The following FMN1 variants were observed in gnomAD, a reference collection of about 807,000 sequenced individuals.
The protein encoded by FMN1 is formin-1.
Under a neutral mutation model 132.4 loss-of-function variants are expected in FMN1, and 110 were observed. That is an observed-to-expected ratio of 0.83 (90% CI 0.71 to 0.97). The LOEUF is 0.97. FMN1 is among the 50% of genes least tolerant of loss of function. The pLI is 0.00. For missense variants in FMN1, 1,792 were observed against 1,705.3 expected, an observed-to-expected ratio of 1.05 and a Z score of -0.90; for synonymous variants, 722 against 651.7, an observed-to-expected ratio of 1.11 and a Z score of -1.64.
chr15:33,064,712 G>A, intron 6 of FMN1: 1 of 297,090 alleles, frequency 3.4e-6, no homozygotes, highest in South Asian at 7.3e-5. Flanking sequence ...GGTCCCCCAA[G>A]GTTCTCCTAC....
intron 6 of FMN1, among the ~76,000 whole-genome samples, chr15:33,018,011 G>C (rs2031247216): frequency 6.7e-6 from 1 of 150,064 alleles, no homozygotes; most frequent in African/African-American, 2.5e-5. Context: ...GTTGCAGTGA[G>C]CCGAGATCAC....
chr15:32,923,471 G>T (rs189361628), intron 10 of FMN1, among the ~76,000 whole-genome samples: 9 of 152,338 alleles, frequency 5.9e-5, no homozygotes, highest in Admixed American at 6.5e-5. Flanking sequence ...ACGAAGAAAT[G>T]GAATGGAGAT....
intron 4 of FMN1, among the ~76,000 whole-genome samples, chr15:33,120,090 A>C (rs1962412736): frequency 6.6e-6 from 1 of 152,088 alleles, no homozygotes; most frequent in Non-Finnish European, 1.5e-5. Context: ...ATGTTAGTTA[A>C]AGGCACAGTT....
chr15:33,164,552 G>A (rs1053299804), intron 3 of FMN1, among the ~76,000 whole-genome samples: 4 of 152,180 alleles, frequency 2.6e-5, no homozygotes, highest in Admixed American at 2.6e-4. Flanking sequence ...AACAAGGTGT[G>A]CGCATTGAAG....
intron 4 of FMN1, 143 bp downstream of exon 4, chr15:33,152,905 C>T: frequency 1.3e-6 from 1 of 799,878 alleles, no homozygotes; most frequent in Non-Finnish European, 1.9e-6. Context: ...TGTTCCACTC[C>T]CCGTTTTCTT....
chr15:33,182,351 C>G (rs1466241842), intron 2 of FMN1, among the ~76,000 whole-genome samples: 2 of 152,178 alleles, frequency 1.3e-5, no homozygotes, highest in African/African-American at 4.8e-5. Context: ...AAACACTGTT[C>G]TAGAATCTCA....
intron 19 of FMN1, among the ~76,000 whole-genome samples, chr15:32,777,495 ACG>A (rs2056463647): frequency 1.4e-5 from 2 of 146,396 alleles, no homozygotes; most frequent in East Asian, 3.9e-4. Flanking sequence ...TTTATATATT[ACG>A]TATAACATAT....
At chr15:33,138,096 A>G (rs1490860048) in intron 4 of FMN1, among the ~76,000 whole-genome samples, 1 of 152,212 alleles carries the variant, frequency 6.6e-6, no homozygotes, top group African/African-American at 2.4e-5. Flanking sequence ...TGTTGCTGTT[A>G]CTGCTATTTG....
chr15:32,904,648 T>A (rs1049462257), intron 12 of FMN1, among the ~76,000 whole-genome samples: 1 of 152,164 alleles, frequency 6.6e-6, no homozygotes, highest in East Asian at 1.9e-4. Flanking sequence ...GAGTCCAGGA[T>A]GACTTTGCAG....
At chr15:32,914,817 T>C (rs1338736213) in intron 10 of FMN1, among the ~76,000 whole-genome samples, 2 of 152,184 alleles carry the variant, frequency 1.3e-5, no homozygotes, top group East Asian at 3.9e-4. Context: ...GGGAAGAGCT[T>C]TGTACCATCC....
chr15:32,924,716 T>C (rs1314429707), intron 10 of FMN1, among the ~76,000 whole-genome samples: 2 of 152,198 alleles, frequency 1.3e-5, no homozygotes, highest in Admixed American at 6.5e-5. Flanking sequence ...GGTCAGGAGT[T>C]CGAGACCAGT....
intron 3 of FMN1, among the ~76,000 whole-genome samples, chr15:33,171,134 A>C (rs539162021): frequency 3.3e-5 from 5 of 152,320 alleles, no homozygotes; most frequent in Admixed American, 1.3e-4. Context: ...CAAGTATCGC[A>C]TGTTTTCAGT....
chr15:33,140,017 T>A (rs1056108515), intron 4 of FMN1, among the ~76,000 whole-genome samples: 3 of 152,214 alleles, frequency 2.0e-5, no homozygotes, highest in Admixed American at 2.0e-4. Context: ...TTTTATTTTT[T>A]AAAATATATT....
chr15:33,167,018 C>A lies in FMN1; in HGVS notation c.-131-11973G>T, dbSNP rs1004025887. Reference sequence around the variant, plus strand: ...CAATTTGTGGACAAGCAGTAAAAATCTAGTAAAAATTAAATATTTAGGTGA... The same window carrying A: ...CAATTTGTGGACAAGCAGTAAAAATATAGTAAAAATTAAATATTTAGGTGA... On this transcript the variant is annotated intron_variant, in intron 3 of 20. Coordinates refer to ENST00000616417, the MANE Select transcript of FMN1 (RefSeq NM_001277313.2). Among the ~76,000 whole-genome samples the A allele has an allele frequency of 8.2e-5, 7 of 85,032 alleles. No individual in the cohort carries two copies. The African/African-American group carries it at 1.4e-3, about 17-fold the overall frequency. The allele number at this position is 85,032 out of a possible 152,430, so 55.8% of individuals were successfully genotyped here. A position where few individuals can be genotyped will look rare whatever the true frequency, so the allele number is the denominator to read the frequency against.
intron 6 of FMN1, among the ~76,000 whole-genome samples, chr15:33,042,079 G>C (rs2036466820): frequency 6.6e-6 from 1 of 151,934 alleles, no homozygotes; most frequent in Non-Finnish European, 1.5e-5. Context: ...GAACTAATAA[G>C]AGCATAAAGT....
At chr15:33,058,421 G>C (rs566692040) in intron 6 of FMN1, among the ~76,000 whole-genome samples, 1 of 152,084 alleles carries the variant, frequency 6.6e-6, no homozygotes, top group African/African-American at 2.4e-5. Flanking sequence ...AAATAAAAAT[G>C]TTTGCTCATG....
At position 33,152,978 on chromosome 15, in the gene FMN1, T is replaced by C; in HGVS notation, c.1867+70A>G. ...CATTGTTAATCAGTCAGTTTCTAAG[T>C]AGCACAGGCAGACTGATAGTTCCCC... On this transcript the variant is annotated intron_variant, in intron 4 of 20. Transcript: ENST00000616417. The C allele has an allele frequency of 3.6e-6, 5 of 1,396,330 alleles. No individual in the cohort carries two copies. In the East Asian group the frequency reaches 1.0e-4, roughly 28 times the overall value. The allele number at this position is 1,396,330 out of a possible 1,614,324, so 86.5% of individuals were successfully genotyped here. A position where few individuals can be genotyped will look rare whatever the true frequency, so the allele number is the denominator to read the frequency against.
Position 32,803,073 on chromosome 15 carries a change from A to C in FMN1, c.3980+1208T>G, listed in dbSNP as rs537856278. On this transcript the variant is annotated intron_variant, in intron 18 of 20. Transcript: ENST00000616417. ...GTTGGCACCTGTGAAAGCAGGGCAG[A>C]TGGCACCGTCTATGGGATTTCAGAA... Among the ~76,000 whole-genome samples the C allele has an allele frequency of 7.2e-5, 11 of 152,330 alleles. No individual in the cohort carries two copies. The South Asian group carries it at 2.3e-3, about 32-fold the overall frequency.
At position 33,064,722 on chromosome 15, in the gene FMN1, C is replaced by CT. The variant is rs2037639014; in HGVS notation, c.2161+234dup. ...CATCAGGTCCCCCAAGGTTCTCCTA[C>CT]TTCACACACATTCCCCCTTTCATTC... On this transcript the variant is annotated intron_variant, in intron 6 of 20. Transcript: ENST00000616417. 9.0e-6 allele frequency: 3 copies of CT among 334,862 alleles called. No homozygotes were observed. The East Asian group carries it at 1.7e-4, about 19-fold the overall frequency. The allele number at this position is 334,862 out of a possible 1,614,324, so 20.7% of individuals were successfully genotyped here.
Sources: gnomAD v4.1 joint callset for allele counts (sites outside exome capture counted in the v4.1 genomes callset) on GRCh38, gnomAD v4.1.1 for gene constraint, MANE v1.5 for transcripts, NCBI Gene and HGNC (gene_info 2026-07-23, HGNC 2026-07-21) for gene names.